Variants in RIT2 observed in about 807,000 individuals in gnomAD.
The protein encoded by RIT2 is GTP-binding protein Rit2.
RIT2 carries 24 observed loss-of-function variants against 23.7 expected under a neutral mutation model. The ratio of observed to expected loss-of-function variants is 1.01; its 90% CI spans 0.73 to 1.43. The LOEUF is 1.43. Among genes scored for constraint, RIT2 ranks in the 40% most tolerant of loss-of-function variants. The probability of loss-of-function intolerance (pLI) is 0.00; values close to 1 mark genes in which losing one functional copy is unlikely to be tolerated. For synonymous variants in RIT2, 107 were observed against 91.1 expected, an observed-to-expected ratio of 1.17 and a Z score of -0.99; for missense variants, 236 against 266.9, an observed-to-expected ratio of 0.88 and a Z score of 0.81.
intron 3 of RIT2, among the ~76,000 whole-genome samples, chr18:42,955,313 G>A (rs888367260): frequency 6.6e-6 from 1 of 152,078 alleles, no homozygotes; most frequent in African/African-American, 2.4e-5. Context: ...ATAATTAACA[G>A]GTAGATGAAT....
intron 2 of RIT2, among the ~76,000 whole-genome samples, chr18:42,979,205 G>A (rs866677035): frequency 6.6e-6 from 1 of 151,760 alleles, no homozygotes; most frequent in South Asian, 2.1e-4. Context: ...AGCAGCTAAT[G>A]TATTTTTTTC....
chr18:43,086,260 TA>T (rs368249377), intron 1 of RIT2, among the ~76,000 whole-genome samples: 99 of 152,252 alleles, frequency 6.5e-4, no homozygotes, highest in African/African-American at 2.3e-3. Flanking sequence ...ATTTTTGGAT[TA>T]GGGGTATTCA....
intron 1 of RIT2, among the ~76,000 whole-genome samples, chr18:43,104,184 A>C (rs1913754764): frequency 1.3e-5 from 2 of 152,358 alleles, no homozygotes; most frequent in South Asian, 4.1e-4. Context: ...TAAATCAGGC[A>C]TAGAAAGATA....
chr18:43,097,271 T>C lies in RIT2; in HGVS notation c.103+18146A>G, dbSNP rs1307125037. On this transcript the variant is annotated intron_variant, in intron 1 of 4. Coordinates refer to ENST00000326695, the MANE Select transcript of RIT2 (RefSeq NM_002930.4). The stretch of plus-strand genomic sequence containing the variant: ...CTGCTGAGGACCAGGGAGCGACAAT[T>C]TGAGAAGTACTGGCATAGAGTATAG... Among the ~76,000 whole-genome samples the C allele has an allele frequency of 6.6e-5, 10 of 151,918 alleles. No homozygotes were observed. In the East Asian group the frequency reaches 1.5e-3, roughly 23 times the overall value.
intron 4 of RIT2, among the ~76,000 whole-genome samples, chr18:42,764,766 C>T (rs1184869779): frequency 5.9e-5 from 9 of 152,190 alleles, no homozygotes; most frequent in Admixed American, 5.9e-4. Flanking sequence ...CTAATGTTAT[C>T]CTCTCATCTG....
chr18:42,760,175 G>A (rs1190320593), intron 4 of RIT2, among the ~76,000 whole-genome samples: 4 of 152,174 alleles, frequency 2.6e-5, no homozygotes, highest in African/African-American at 4.8e-5. Context: ...ATATGTAGAT[G>A]CAAGTGACTG....
chr18:42,868,983 G>A (rs1034289845), intron 4 of RIT2, among the ~76,000 whole-genome samples: 1 of 152,148 alleles, frequency 6.6e-6, no homozygotes, highest in South Asian at 2.1e-4. Flanking sequence ...CCTGTTACAT[G>A]GCTGGAAGCT....
At chr18:42,816,931 G>T (rs1396497893) in intron 4 of RIT2, among the ~76,000 whole-genome samples, 1 of 152,104 alleles carries the variant, frequency 6.6e-6, no homozygotes, top group African/African-American at 2.4e-5. Context: ...AAATAACTGG[G>T]GATCTTGTTA....
intron 2 of RIT2, 62 bp from the exon 3 acceptor site, chr18:42,974,209 G>T: frequency 9.0e-7 from 1 of 1,112,504 alleles, no homozygotes; most frequent in South Asian, 1.3e-5. Context: ...TTAATTTTTA[G>T]ATTTCATATA....
chr18:42,829,355 TA>T (rs1312426248), intron 4 of RIT2, among the ~76,000 whole-genome samples: 1 of 152,204 alleles, frequency 6.6e-6, no homozygotes, highest in Non-Finnish European at 1.5e-5. Context: ...CATCTCTTCA[TA>T]TAAAATCTGG....
At chr18:42,956,742 A>G (rs1909979012) in intron 3 of RIT2, among the ~76,000 whole-genome samples, 1 of 152,180 alleles carries the variant, frequency 6.6e-6, no homozygotes, top group Non-Finnish European at 1.5e-5. Flanking sequence ...TAGAGAAATT[A>G]CATCCAAAAA....
At chr18:42,758,828 C>G (rs1232401638) in intron 4 of RIT2, among the ~76,000 whole-genome samples, 1 of 151,950 alleles carries the variant, frequency 6.6e-6, no homozygotes, top group East Asian at 1.9e-4. Context: ...ATTACCCTTT[C>G]TGAATATTCT....
At chr18:43,098,239 G>T (rs1913601095) in intron 1 of RIT2, among the ~76,000 whole-genome samples, 1 of 151,900 alleles carries the variant, frequency 6.6e-6, no homozygotes, top group Non-Finnish European at 1.5e-5. Flanking sequence ...TTTTCTAAGG[G>T]ATCAGAACGA....
intron 4 of RIT2, among the ~76,000 whole-genome samples, chr18:42,763,790 C>A (rs1005018180): frequency 2.6e-5 from 4 of 151,952 alleles, no homozygotes; most frequent in Non-Finnish European, 5.9e-5. Flanking sequence ...AAAATATTTT[C>A]TTTTCTTCTA....
At chr18:43,069,654 T>A (rs1912854298) in intron 1 of RIT2, among the ~76,000 whole-genome samples, 1 of 152,154 alleles carries the variant, frequency 6.6e-6, no homozygotes, top group Non-Finnish European at 1.5e-5. Flanking sequence ...CTGCTCAGAA[T>A]TTTCTGATGG....
intron 4 of RIT2, among the ~76,000 whole-genome samples, chr18:42,770,650 G>A (rs1346750599): frequency 6.6e-6 from 1 of 152,186 alleles, no homozygotes; most frequent in Non-Finnish European, 1.5e-5. Context: ...AAGGGATAGA[G>A]ATATTGTTAT....
At chr18:42,861,547 G>C (rs1907328438) in intron 4 of RIT2, among the ~76,000 whole-genome samples, 1 of 152,156 alleles carries the variant, frequency 6.6e-6, no homozygotes, top group South Asian at 2.1e-4. Flanking sequence ...TGCCCCATGG[G>C]AGGCAAGCTG....
intron 2 of RIT2, among the ~76,000 whole-genome samples, chr18:43,030,746 T>C (rs1167157743): frequency 6.6e-6 from 1 of 152,068 alleles, no homozygotes; most frequent in African/African-American, 2.4e-5. Context: ...TGGTTTAATG[T>C]AGAAGTTTAA....
At chr18:42,856,825 C>CTTTTTTTTTTTTTTTT (rs760595125) in intron 4 of RIT2, among the ~76,000 whole-genome samples, 6 of 128,020 alleles carry the variant, frequency 4.7e-5, no homozygotes, top group African/African-American at 1.9e-4. Flanking sequence ...TTCTCTCTCT[C>CTTTTTTTTTTTTTTTT]TCTTTTTTTT....
Sources: allele counts gnomAD v4.1 joint callset (sites outside exome capture counted in the v4.1 genomes callset), GRCh38; gene constraint gnomAD v4.1.1; transcripts MANE v1.5; gene names NCBI Gene and HGNC (gene_info 2026-07-23, HGNC 2026-07-21).